The following CSMD1 variants were observed in gnomAD, a reference collection of about 807,000 sequenced individuals.
CSMD1 encodes CUB and Sushi multiple domains 1, also known as CUB and sushi domain-containing protein 1.
A neutral mutation model predicts 417.5 loss-of-function variants in CSMD1; 213 were observed. The ratio of observed to expected loss-of-function variants is 0.51; its 90% confidence interval spans 0.46 to 0.57. The LOEUF (loss-of-function observed/expected upper bound fraction) is 0.57, where lower values mean the gene tolerates loss of function less well. CSMD1 is among the 20% of genes least tolerant of loss of function. CSMD1 has a pLI of 0.00. For synonymous variants in CSMD1, 2,862 were observed against 1,736.8 expected, an observed-to-expected ratio of 1.65 and a Z score of -16.11; for missense variants, 6,923 against 4,529.7, an observed-to-expected ratio of 1.53 and a Z score of -15.17.
At chr8:3,490,143 C>T (rs1818285860) in intron 11 of CSMD1, among the ~76,000 whole-genome samples, 1 of 152,192 alleles carries the variant, frequency 6.6e-6, no homozygotes, top group African/African-American at 2.4e-5. Flanking sequence ...TGATCTGGTA[C>T]ACTAAGGACA....
intron 11 of CSMD1, among the ~76,000 whole-genome samples, chr8:3,475,934 T>G (rs1049235357): frequency 6.6e-6 from 1 of 152,232 alleles, no homozygotes; most frequent in Non-Finnish European, 1.5e-5. Context: ...AACTTTATGA[T>G]GTTTTGGTTA....
chr8:4,214,712 AAGAGTTCATCAC>A (rs1367135915), intron 3 of CSMD1, among the ~76,000 whole-genome samples: 1 of 152,156 alleles, frequency 6.6e-6, no homozygotes, highest in Non-Finnish European at 1.5e-5. Flanking sequence ...GGATATAGGC[AAGAGTTCATCAC>A]AGAGAACTAC....
At chr8:4,407,996 C>T (rs1449246003) in intron 3 of CSMD1, among the ~76,000 whole-genome samples, 1 of 152,150 alleles carries the variant, frequency 6.6e-6, no homozygotes, top group Non-Finnish European at 1.5e-5. Context: ...GAGAAAACTG[C>T]AAGTCCCCAC....
In CSMD1 at chr8:4,250,536, A is replaced by C. The variant is rs1386141322; in HGVS notation, c.415+169417T>G. Among the ~76,000 whole-genome samples, 4 of 152,196 alleles carry C rather than the reference A, an allele frequency of 2.6e-5. No individual in the cohort carries two copies. The East Asian group carries it at 5.8e-4, about 22-fold the overall frequency. On this transcript the variant is annotated intron_variant, in intron 3 of 69. Coordinates refer to ENST00000635120, the MANE Select transcript of CSMD1 (RefSeq NM_033225.6). ...TTATATGTATATCGCCCATGAAGTC[A>C]ACCCTCAAAAGTTTAGAATGGAAAG...
In CSMD1 at chr8:4,172,092, G is replaced by A. The variant is rs138287927; in HGVS notation, c.416-139993C>T. ...CTTTCTCAGGGGAAGGCGTATCACG[G>A]AGAGTTTATCATGCGGATCATTTCA... On this transcript the variant is annotated intron_variant, in intron 3 of 69. Transcript: ENST00000635120. Among the ~76,000 whole-genome samples the A allele has an allele frequency of 2.5e-3, 379 of 152,186 alleles. 1 individual carries two copies. Among genetic ancestry groups the A allele is most frequent in the Non-Finnish European group, 3.6e-3 (248 of 68,024 alleles).
chr8:3,328,580 C>G (rs1368945116), intron 23 of CSMD1, among the ~76,000 whole-genome samples: 1 of 152,186 alleles, frequency 6.6e-6, no homozygotes, highest in East Asian at 1.9e-4. Context: ...CAGTTTCAAT[C>G]CAAGTCGCTC....
chr8:3,875,579 G>T (rs949269732), intron 5 of CSMD1, among the ~76,000 whole-genome samples: 2 of 152,170 alleles, frequency 1.3e-5, no homozygotes, highest in Non-Finnish European at 1.5e-5. Flanking sequence ...ATGTTTTATT[G>T]GAGAGGAGTC....
rs151204424 is a variant in CSMD1 at position 4,300,524 on chromosome 8, A to C, written c.415+119429T>G. On this transcript the variant is annotated intron_variant, in intron 3 of 69. Transcript: ENST00000635120. ...TAACTGAAGGAAATGTCCTTTACAGACTTTTTTTTACATTTTATTATTATT... is the reference window on the plus strand; with the variant it reads ...TAACTGAAGGAAATGTCCTTTACAGCCTTTTTTTTACATTTTATTATTATT... Among the ~76,000 whole-genome samples the C allele has an allele frequency of 4.4e-3, 675 of 152,158 alleles. 2 individuals carry two copies. The highest frequency in any genetic ancestry group is 0.015 in the African/African-American group (643 of 41,530).
intron 5 of CSMD1, among the ~76,000 whole-genome samples, chr8:3,971,616 C>T (rs1029186438): frequency 1.3e-5 from 2 of 152,124 alleles, no homozygotes; most frequent in African/African-American, 4.8e-5. Context: ...GTCACTTCTA[C>T]TTCTATTTCC....
chr8:3,158,366 A>C (rs1213030060), intron 38 of CSMD1, among the ~76,000 whole-genome samples: 1 of 152,148 alleles, frequency 6.6e-6, no homozygotes, highest in Non-Finnish European at 1.5e-5. Context: ...AAAAGGCCAA[A>C]ATGTCAGCAA....
At chr8:3,821,351 AC>A (rs1177609256) in intron 5 of CSMD1, among the ~76,000 whole-genome samples, 1 of 152,198 alleles carries the variant, frequency 6.6e-6, no homozygotes. Flanking sequence ...GATGCATGAG[AC>A]CCGTCTAAGA....
At chr8:4,089,739 C>G (rs897173498) in intron 3 of CSMD1, among the ~76,000 whole-genome samples, 1 of 152,108 alleles carries the variant, frequency 6.6e-6, no homozygotes, top group Non-Finnish European at 1.5e-5. Context: ...ATTATTGACA[C>G]AACATCATTC....
intron 3 of CSMD1, among the ~76,000 whole-genome samples, chr8:4,148,310 T>G (rs56283507): frequency 7.1e-6 from 1 of 140,342 alleles, no homozygotes; most frequent in Non-Finnish European, 1.5e-5. Context: ...TAGGTGGGAA[T>G]TGAACAATGA....
At chr8:4,405,454 C>G (rs900012156) in intron 3 of CSMD1, among the ~76,000 whole-genome samples, 3 of 151,984 alleles carry the variant, frequency 2.0e-5, no homozygotes. Context: ...GATTTTAACG[C>G]CCATCTATAG....
Position 3,586,214 on chromosome 8 carries a change from G to T in CSMD1, c.1144C>A (p.Gln382Lys). ...TGACAGGTGATGCTTTTAGATCCCT[G>T]GAGCACGTAATTGTCCTCACATGAA... is the stretch of plus-strand genomic sequence containing the variant. ...QFSCEDNYVL[Q>K]GSKSITCQRV... is the part of the protein sequence containing the mutation. Residue 382 changes from glutamine to lysine, a missense_variant, in exon 9 of 70, where the codon CAG becomes AAG. Coordinates refer to ENST00000635120, the MANE Select transcript of CSMD1 (RefSeq NM_033225.6). The T allele has an allele frequency of 3.1e-6, 5 of 1,612,296 alleles. No individual in the cohort carries two copies. Among genetic ancestry groups the T allele is most frequent in the Non-Finnish European group, 4.2e-6 (5 of 1,179,330 alleles).
intron 10 of CSMD1, among the ~76,000 whole-genome samples, chr8:3,543,628 C>G (rs541947693): frequency 4.1e-5 from 6 of 147,962 alleles, no homozygotes; most frequent in Non-Finnish European, 8.8e-5. Context: ...AATTTTCAGC[C>G]TAAATAACTG....
intron 3 of CSMD1, among the ~76,000 whole-genome samples, chr8:4,173,565 A>C (rs1033060634): frequency 2.6e-5 from 4 of 152,168 alleles, no homozygotes; most frequent in Admixed American, 2.0e-4. Flanking sequence ...TAAAATTATC[A>C]AATGATGTAA....
At chr8:4,153,239 A>G (rs1408082028) in intron 3 of CSMD1, among the ~76,000 whole-genome samples, 2 of 152,220 alleles carry the variant, frequency 1.3e-5, no homozygotes, top group Admixed American at 6.5e-5. Flanking sequence ...GCTGGAGAGT[A>G]TGCCAGAAAT....
At chr8:3,696,399 G>A (rs546065738) in intron 7 of CSMD1, among the ~76,000 whole-genome samples, 5 of 152,198 alleles carry the variant, frequency 3.3e-5, no homozygotes, top group South Asian at 2.1e-4. Context: ...ATCTTCAAAC[G>A]TGACTTAGTT....
Sources: gnomAD v4.1 joint callset for allele counts (sites outside exome capture counted in the v4.1 genomes callset) on GRCh38, gnomAD v4.1.1 for gene constraint, MANE v1.5 for transcripts, NCBI Gene and HGNC (gene_info 2026-07-23, HGNC 2026-07-21) for gene names.